Variants in MITF observed in about 807,000 individuals in gnomAD.
The protein encoded by MITF is melanocyte inducing transcription factor, also known as microphthalmia-associated transcription factor.
MITF carries 17 observed loss-of-function variants against 60.5 expected under a neutral mutation model. That is an observed-to-expected ratio of 0.28 (90% CI 0.19 to 0.42). The LOEUF is 0.42. Among genes scored for constraint, MITF ranks in the 10% least tolerant of loss-of-function variants. MITF has a pLI of 1.00. For missense variants in MITF, 622 were observed against 683.5 expected (o/e 0.91, Z 1.00); for synonymous variants, 260 against 248.5 (o/e 1.05, Z -0.43).
intron 2 of MITF, among the ~76,000 whole-genome samples, chr3:69,885,119 G>A (rs1296444630): frequency 2.0e-5 from 3 of 152,006 alleles, no homozygotes; most frequent in Non-Finnish European, 4.4e-5. Flanking sequence ...TGTGGATAGG[G>A]CCTGATGTAC....
intron 1 of MITF, among the ~76,000 whole-genome samples, chr3:69,781,423 A>G (rs1365802939): frequency 6.6e-6 from 1 of 152,162 alleles, no homozygotes; most frequent in African/African-American, 2.4e-5. Context: ...ACTGGCTGCA[A>G]AATTTGCAGG....
At chr3:69,860,308 C>T (rs1475948118) in intron 1 of MITF, among the ~76,000 whole-genome samples, 2 of 152,130 alleles carry the variant, frequency 1.3e-5, no homozygotes, top group Non-Finnish European at 2.9e-5. Context: ...TTGTTAATTG[C>T]TTAAAAATTC....
chr3:69,824,279 G>A (rs1250912854), intron 1 of MITF, among the ~76,000 whole-genome samples: 1 of 152,142 alleles, frequency 6.6e-6, no homozygotes, highest in Non-Finnish European at 1.5e-5. Context: ...GAAGAGAACT[G>A]TTTTCCCTCT....
chr3:69,798,695 C>G (rs1470188449), intron 1 of MITF, among the ~76,000 whole-genome samples: 3 of 152,236 alleles, frequency 2.0e-5, no homozygotes, highest in Admixed American at 6.5e-5. Context: ...TGCCAACCTC[C>G]CTGGTCTCCC....
At chr3:69,950,475 T>G in intron 6 of MITF, among the ~76,000 whole-genome samples, 1 of 143,878 alleles carries the variant, frequency 7.0e-6, no homozygotes, top group African/African-American at 2.6e-5. Context: ...TATATATATA[T>G]ATGCACACAC....
intron 1 of MITF, among the ~76,000 whole-genome samples, chr3:69,872,145 A>G (rs537439860): frequency 6.6e-6 from 1 of 152,326 alleles, no homozygotes; most frequent in African/African-American, 2.4e-5. Context: ...TTTCCTTGAA[A>G]GGAATTGAGT....
At chr3:69,825,266 C>G (rs973851206) in intron 1 of MITF, among the ~76,000 whole-genome samples, 6 of 152,076 alleles carry the variant, frequency 3.9e-5, no homozygotes, top group Non-Finnish European at 8.8e-5. Context: ...TTCAAAGGAG[C>G]GTGAAATCAG....
At chr3:69,889,975 C>A (rs1451473193) in intron 2 of MITF, among the ~76,000 whole-genome samples, 1 of 152,138 alleles carries the variant, frequency 6.6e-6, no homozygotes, top group African/African-American at 2.4e-5. Flanking sequence ...TTCTGCTCTA[C>A]TGTTGGTAAT....
intron 1 of MITF, chr3:69,763,835 A>G: frequency 2.9e-6 from 4 of 1,368,022 alleles, no homozygotes; most frequent in Non-Finnish European, 2.9e-6. Context: ...TCCATCTCTG[A>G]AGTCAAATGG....
intron 1 of MITF, among the ~76,000 whole-genome samples, chr3:69,771,588 C>G (rs891889287): frequency 3.9e-5 from 6 of 152,166 alleles, no homozygotes; most frequent in Admixed American, 3.9e-4. Flanking sequence ...ACCTATAGCC[C>G]TCTTAAATTT....
At chr3:69,786,458 C>T (rs2062651129) in intron 1 of MITF, among the ~76,000 whole-genome samples, 1 of 152,038 alleles carries the variant, frequency 6.6e-6, no homozygotes. Context: ...TCTAGAGTTC[C>T]TTCAATTTAG....
At position 69,948,462 on chromosome 3, in the gene MITF, G is replaced by T. The variant is rs574909449; in HGVS notation, c.763-589G>T. On this transcript the variant is annotated intron_variant, in intron 5 of 9. Coordinates refer to ENST00000352241, the MANE Select transcript of MITF (RefSeq NM_001354604.2). ...ATTTTTGCTCTCTTTTAAAGTCTGTGGGCTCCCTCTTGTGGCTTTGTGGAA... is the reference window on the plus strand; with the variant it reads ...ATTTTTGCTCTCTTTTAAAGTCTGTTGGCTCCCTCTTGTGGCTTTGTGGAA... Among the ~76,000 whole-genome samples, 23 of 150,822 alleles carry T rather than the reference G, an allele frequency of 1.5e-4. 1 individual carries two copies. Among genetic ancestry groups the T allele is most frequent in the South Asian group, 1.1e-3 (5 of 4,742 alleles).
chr3:69,832,905 A>G (rs2063473366), intron 1 of MITF, among the ~76,000 whole-genome samples: 1 of 151,660 alleles, frequency 6.6e-6, no homozygotes, highest in South Asian at 2.1e-4. Context: ...CTCTTTGCTT[A>G]GTTACACTGT....
At chr3:69,836,728 G>C (rs1482663808) in intron 1 of MITF, among the ~76,000 whole-genome samples, 1 of 152,192 alleles carries the variant, frequency 6.6e-6, no homozygotes, top group Admixed American at 6.5e-5. Context: ...ACATTGTGCT[G>C]CCTTGCTTTG....
At chr3:69,829,790 A>G (rs978183045) in intron 1 of MITF, among the ~76,000 whole-genome samples, 1 of 152,052 alleles carries the variant, frequency 6.6e-6, no homozygotes, top group Non-Finnish European at 1.5e-5. Flanking sequence ...TGTTAACATC[A>G]CTATTGGTGT....
At chr3:69,787,280 G>A (rs28378222) in intron 1 of MITF, among the ~76,000 whole-genome samples, 72,656 of 152,018 alleles carry the variant, frequency 0.48, 18,668 homozygotes, top group Non-Finnish European at 0.59. Flanking sequence ...CAAAGGAAGT[G>A]TGAAACCTAG....
In MITF at chr3:69,759,627, A is replaced by G. The variant is rs146099619; in HGVS notation, c.104+19926A>G. Among the ~76,000 whole-genome samples, 308 of 152,332 alleles carry G rather than the reference A, an allele frequency of 2.0e-3. 4 individuals are homozygous for G. Among genetic ancestry groups the G allele is most frequent in the African/African-American group, 7.2e-3 (299 of 41,578 alleles). On this transcript the variant is annotated intron_variant, in intron 1 of 9. Coordinates refer to ENST00000352241, the MANE Select transcript of MITF (RefSeq NM_001354604.2). ...TGAATAATGAGGGTTGACTATATTA[A>G]AAACTGTTTTCTTGCATCTGTATTT...
At chr3:69,885,233 C>T (rs942622925) in intron 2 of MITF, among the ~76,000 whole-genome samples, 2 of 152,056 alleles carry the variant, frequency 1.3e-5, no homozygotes, top group Non-Finnish European at 2.9e-5. Context: ...TCCATGAGCC[C>T]CTTTGCAATC....
At chr3:69,892,201 G>A (rs1254042355) in intron 2 of MITF, among the ~76,000 whole-genome samples, 1 of 151,964 alleles carries the variant, frequency 6.6e-6, no homozygotes, top group Non-Finnish European at 1.5e-5. Flanking sequence ...AAAAACCAAA[G>A]CACAACTCGT....
Sources: gnomAD v4.1 joint callset for allele counts (sites outside exome capture counted in the v4.1 genomes callset) on GRCh38, gnomAD v4.1.1 for gene constraint, MANE v1.5 for transcripts, NCBI Gene and HGNC (gene_info 2026-07-23, HGNC 2026-07-21) for gene names.